The following HMG20A variants were observed in gnomAD, a reference collection of about 807,000 sequenced individuals.
HMG20A encodes high mobility group 20A.
HMG20A carries 17 observed loss-of-function variants against 43.9 expected under a neutral mutation model. That is an observed-to-expected ratio of 0.39 (90% CI 0.27 to 0.58). The LOEUF (loss-of-function observed/expected upper bound fraction) is 0.58, where lower values mean the gene tolerates loss of function less well. Ranked by LOEUF, HMG20A falls within the 20% of genes least tolerant of loss-of-function variation. The probability of loss-of-function intolerance (pLI) is 0.59; values close to 1 mark genes in which losing one functional copy is unlikely to be tolerated. For missense variants in HMG20A, 341 were observed against 438.2 expected (o/e 0.78, Z 1.98); for synonymous variants, 132 against 147.5 (o/e 0.89, Z 0.76).
chr15:77,518,024 C>T, the HMG20A span, among the ~76,000 whole-genome samples: 1 of 152,198 alleles, frequency 6.6e-6, no homozygotes, highest in Admixed American at 6.5e-5. Context: ...AAAAATCCCT[C>T]CCCACCTATC....
the HMG20A span, among the ~76,000 whole-genome samples, chr15:77,493,724 T>A: frequency 6.6e-6 from 1 of 152,188 alleles, no homozygotes; most frequent in African/African-American, 2.4e-5. Context: ...AGGAACAAGA[T>A]GAGTGACGGA....
the HMG20A span, among the ~76,000 whole-genome samples, chr15:77,496,410 C>T: frequency 6.6e-6 from 1 of 152,130 alleles, no homozygotes; most frequent in East Asian, 1.9e-4. Context: ...GCAACCAGGC[C>T]CCTGGGTTGG....
chr15:77,442,720 T>C (rs1443794246), intron 1 of HMG20A, among the ~76,000 whole-genome samples: 2 of 152,164 alleles, frequency 1.3e-5, no homozygotes, highest in Non-Finnish European at 2.9e-5. Context: ...GTTTTTGAGA[T>C]GGAGTCTTGC....
the HMG20A span, among the ~76,000 whole-genome samples, chr15:77,498,092 G>A: frequency 6.6e-6 from 1 of 152,046 alleles, no homozygotes; most frequent in Non-Finnish European, 1.5e-5. Context: ...CATCCCCCAG[G>A]CCCCTCCTCT....
chr15:77,474,005 A>G (rs568563559), intron 6 of HMG20A, among the ~76,000 whole-genome samples: 1 of 152,346 alleles, frequency 6.6e-6, no homozygotes, highest in African/African-American at 2.4e-5. Flanking sequence ...TTGCAGTATA[A>G]AAGAACTGAT....
chr15:77,512,497 A>G, the HMG20A span, among the ~76,000 whole-genome samples: 1,362 of 152,350 alleles, frequency 8.9e-3, 7 homozygotes, highest in Non-Finnish European at 0.012. Flanking sequence ...CAATGGCCAC[A>G]TCAGGGACAA....
chr15:77,425,937 A>C (rs1013243975), intron 1 of HMG20A, among the ~76,000 whole-genome samples: 2 of 152,246 alleles, frequency 1.3e-5, no homozygotes, highest in African/African-American at 4.8e-5. Context: ...ATTATTCAGC[A>C]ACAAAGAGAA....
the HMG20A span, among the ~76,000 whole-genome samples, chr15:77,493,489 C>T: frequency 1.3e-5 from 2 of 152,144 alleles, no homozygotes; most frequent in African/African-American, 2.4e-5. Context: ...GGGATAGTCT[C>T]CTCAGTGCAG....
At chr15:77,503,226 G>A in the HMG20A span, among the ~76,000 whole-genome samples, 2 of 152,088 alleles carry the variant, frequency 1.3e-5, no homozygotes, top group Non-Finnish European at 2.9e-5. Context: ...GGGGAGAGGG[G>A]GCAGTGAGAT....
At chr15:77,446,852 G>A (rs1241664367) in intron 1 of HMG20A, among the ~76,000 whole-genome samples, 1 of 150,574 alleles carries the variant, frequency 6.6e-6, no homozygotes, top group Non-Finnish European at 1.5e-5. Flanking sequence ...TACCAAACAA[G>A]AACATTAACT....
chr15:77,491,355 A>T, the HMG20A span, among the ~76,000 whole-genome samples: 4 of 152,376 alleles, frequency 2.6e-5, no homozygotes, highest in East Asian at 7.7e-4. Context: ...ATGTAAGACA[A>T]CAACCTATTT....
Position 77,477,580 on chromosome 15 carries a change from C to T in HMG20A, c.641C>T (p.Ser214Phe), listed in dbSNP as rs201067501. 1.9e-6 allele frequency: 3 copies of T among 1,611,966 alleles called. No homozygotes were observed. The highest frequency in any genetic ancestry group is 1.7e-6 in the Non-Finnish European group (2 of 1,178,438). The change falls in exon 7 of 10, where the codon TCT becomes TTT. Residue 214 changes from serine to phenylalanine, a missense_variant. By Grantham distance (155) the Ser-to-Phe change is radical. Coordinates refer to ENST00000336216, the MANE Select transcript of HMG20A (RefSeq NM_001304504.2). Reference protein sequence around the residue: ...HEKETEVKERSVFDIPIFTEE... With the variant: ...HEKETEVKERFVFDIPIFTEE... The stretch of plus-strand genomic sequence containing the variant: ...AAAGAAACAGAGGTAAAGGAACGGT[C>T]TGTTTTTGACATCCCTATATTTACA...
rs75788181 is a variant in HMG20A, at chr15:77,436,245, C to G, written c.-5+15241C>G. ...CATTCTTGAGACCTCTTACTAATCC[C>G]CTTACCCGTTCAACACACACACTTA... is the stretch of plus-strand genomic sequence containing the variant. On this transcript the variant is annotated intron_variant, in intron 1 of 9. Coordinates refer to ENST00000336216, the MANE Select transcript of HMG20A (RefSeq NM_001304504.2). 7.3e-3 allele frequency among the ~76,000 whole-genome samples: 1,107 copies of G among 152,208 alleles called. 15 individuals carry two copies. Among genetic ancestry groups the G allele is most frequent in the African/African-American group, 0.025 (1,050 of 41,526 alleles).
the HMG20A span, among the ~76,000 whole-genome samples, chr15:77,508,232 C>T: frequency 6.6e-6 from 1 of 152,140 alleles, no homozygotes; most frequent in Non-Finnish European, 1.5e-5. Flanking sequence ...AAGACCCCAA[C>T]TCCCAGGTCC....
At chr15:77,501,439 C>T in the HMG20A span, among the ~76,000 whole-genome samples, 6 of 152,230 alleles carry the variant, frequency 3.9e-5, no homozygotes, top group African/African-American at 9.6e-5. Context: ...TCCTCTCCCT[C>T]GGCTTCTGCC....
rs115323498 is a variant in HMG20A at position 77,479,742 on chromosome 15, G to A, written c.*6+421G>A. Reference sequence around the variant, plus strand: ...TTTCCCAAAAGGTTTTGAAAAGTGAGTGGGAAACTTAGAAGAAATCATCCC... The same window carrying A: ...TTTCCCAAAAGGTTTTGAAAAGTGAATGGGAAACTTAGAAGAAATCATCCC... On this transcript the variant is annotated intron_variant, in intron 9 of 9. Coordinates refer to ENST00000336216, the MANE Select transcript of HMG20A (RefSeq NM_001304504.2). 7.2e-3 allele frequency: 1,106 copies of A among 154,410 alleles called. 15 individuals are homozygous for A. Among genetic ancestry groups the A allele is most frequent in the African/African-American group, 0.025 (1,050 of 41,574 alleles). The allele number at this position is 154,410 out of a possible 1,614,324, so 9.6% of individuals were successfully genotyped here.
chr15:77,440,444 T>G (rs536703055), intron 1 of HMG20A, among the ~76,000 whole-genome samples: 3 of 152,312 alleles, frequency 2.0e-5, no homozygotes, highest in Non-Finnish European at 4.4e-5. Context: ...GTTACTTAAA[T>G]CTGAAATTTA....
chr15:77,437,365 C>T (rs1232499199), intron 1 of HMG20A, among the ~76,000 whole-genome samples: 4 of 152,110 alleles, frequency 2.6e-5, no homozygotes, highest in African/African-American at 9.7e-5. Context: ...ATCATGCCAT[C>T]CTAGGTAAAC....
the HMG20A span, among the ~76,000 whole-genome samples, chr15:77,497,026 A>G: frequency 1.3e-5 from 2 of 152,186 alleles, no homozygotes; most frequent in Non-Finnish European, 2.9e-5. Context: ...AAACACTGCA[A>G]TGGTGGGAAA....
Sources: allele counts gnomAD v4.1 joint callset (sites outside exome capture counted in the v4.1 genomes callset), GRCh38; gene constraint gnomAD v4.1.1; transcripts MANE v1.5; gene names NCBI Gene and HGNC (gene_info 2026-07-23, HGNC 2026-07-21).